The following AMBRA1 variants were observed in gnomAD, a reference collection of about 807,000 sequenced individuals.
AMBRA1 encodes the protein autophagy and beclin 1 regulator 1, also known as activating molecule in BECN1-regulated autophagy protein 1.
In AMBRA1, 47 loss-of-function variants were observed where a neutral mutation model predicts 125.4. The observed-to-expected ratio is 0.37, with a 90% confidence interval of 0.30 to 0.48. The LOEUF is 0.48. Among genes scored for constraint, AMBRA1 ranks in the 20% least tolerant of loss-of-function variants. The pLI is 0.99. For synonymous variants in AMBRA1, 626 were observed against 655.5 expected (o/e 0.95, Z 0.69); for missense variants, 1,331 against 1,693.4 (o/e 0.79, Z 3.76).
chr11:46,543,214 G>T lies in AMBRA1; in HGVS notation c.803C>A (p.Pro268His). The change falls in exon 7 of 18, where the codon CCC becomes CAC. Residue 268 changes from proline (P) to histidine (H), a missense_variant. Physicochemically the swap from Pro to His is moderately conservative, Grantham distance 77. This residue lies in a region of AMBRA1 where 689 missense variants were observed against 776.5 expected (regional missense o/e 0.89). Transcript: ENST00000683756. ...EQSTVQDSAT[P>H]SPPPPPPQPS... is the part of the protein sequence containing the mutation. The stretch of plus-strand genomic sequence containing the variant: ...CTGAGGGGGAGGCGGTGGGGGTGAG[G>T]GGGTAGCAGAATCTTGCACTGTGCT... The T allele has an allele frequency of 1.9e-6, 3 of 1,607,966 alleles. No homozygotes were observed. The highest frequency in any genetic ancestry group is 2.5e-6 in the Non-Finnish European group (3 of 1,177,492).
At chr11:46,553,223 G>A (rs1565289560) in intron 1 of AMBRA1, among the ~76,000 whole-genome samples, 1 of 151,948 alleles carries the variant, frequency 6.6e-6, no homozygotes, top group Non-Finnish European at 1.5e-5. Context: ...GATTACAAGC[G>A]TGAGCCACCA....
chr11:46,483,279 A>AC (rs1411746420), intron 11 of AMBRA1, among the ~76,000 whole-genome samples: 2 of 151,950 alleles, frequency 1.3e-5, no homozygotes, highest in Admixed American at 6.5e-5. Flanking sequence ...CAAAAGAAAT[A>AC]CCCAAGGGAG....
intron 7 of AMBRA1, among the ~76,000 whole-genome samples, chr11:46,515,648 T>C (rs1951444976): frequency 6.6e-6 from 1 of 152,148 alleles, no homozygotes; most frequent in South Asian, 2.1e-4. Context: ...GGGTTTGCAT[T>C]AGGTAACTTC....
intron 11 of AMBRA1, among the ~76,000 whole-genome samples, chr11:46,447,297 G>A (rs1948338722): frequency 6.6e-6 from 1 of 151,794 alleles, no homozygotes. Context: ...CACTTTGTGA[G>A]GCCAAGGCAG....
intron 12 of AMBRA1, among the ~76,000 whole-genome samples, chr11:46,435,427 C>A (rs1486803154): frequency 1.3e-5 from 2 of 152,124 alleles, no homozygotes; most frequent in Non-Finnish European, 2.9e-5. Context: ...CCACTGGTTC[C>A]AAGAAAAAGA....
chr11:46,542,855 G>T lies in AMBRA1; in HGVS notation c.1162C>A (p.Leu388Met). The T allele has an allele frequency of 6.2e-7, 1 of 1,613,606 alleles. No homozygotes were observed. Among genetic ancestry groups the T allele is most frequent in the Non-Finnish European group, 8.5e-7 (1 of 1,179,970 alleles). The change falls in exon 7 of 18, where the codon CTG becomes ATG. Residue 388 changes from leucine to methionine, a missense_variant. Leu to Met is a conservative substitution (Grantham distance 15, BLOSUM62 2). Transcript: ENST00000683756. The surrounding 1 kb of genome is among the most constrained non-coding windows in gnomAD (Gnocchi z 5.9). ...TAGNTLRNLS[L>M]GPTRRSLGGP... Reference sequence around the variant, plus strand: ...CCCAAAGAGCGGCGGGTAGGACCCAGACTGAGGTTGCGGAGCGTGTTGCCG... The same window carrying T: ...CCCAAAGAGCGGCGGGTAGGACCCATACTGAGGTTGCGGAGCGTGTTGCCG...
chr11:46,508,233 C>T lies in AMBRA1; in HGVS notation c.2297G>A (p.Gly766Asp). ...CAAGTCGGTTCCCTCTACTGATGGA[C>T]CCTGGTTGTCTGAGGAAGAGGAGGA... ...STSSSSSDNQGPSVEGTDLEF... is the reference protein window; with the variant it reads ...STSSSSSDNQDPSVEGTDLEF... Residue 766 changes from glycine (G) to aspartate (D), a missense_variant, in exon 9 of 18, where the codon GGT (glycine) becomes GAT (aspartate). Gly to Asp is a moderately conservative substitution (Grantham distance 94, BLOSUM62 -1). This residue lies in a region of AMBRA1 where 689 missense variants were observed against 776.5 expected (regional missense o/e 0.89). Transcript: ENST00000683756. The T allele has an allele frequency of 6.2e-7, 1 of 1,614,176 alleles. No homozygotes were observed. The highest frequency in any genetic ancestry group is 8.5e-7 in the Non-Finnish European group (1 of 1,180,014).
chr11:46,487,659 CT>C (rs1428931442), intron 11 of AMBRA1, among the ~76,000 whole-genome samples: 2 of 151,922 alleles, frequency 1.3e-5, no homozygotes, highest in Admixed American at 6.6e-5. Context: ...GAAACTGATC[CT>C]GATAAAATAC....
Position 46,543,347 on chromosome 11 carries a change from G to C in AMBRA1, c.670C>G (p.Arg224Gly). ...TGTGATTGCAGGAGGGCACGCTGAC[G>C]GTAGTGGGATAATTCTGTTCCATCT... ...PIDGTELSHY[R>G]QRALLQSQPV... is the part of the protein sequence containing the mutation. The change falls in exon 7 of 18, where the codon CGT becomes GGT. Residue 224 changes from arginine (R) to glycine (G), a missense_variant. Physicochemically the swap from Arg to Gly is moderately radical, Grantham distance 125. Transcript: ENST00000683756. 1.2e-6 allele frequency: 2 copies of C among 1,614,010 alleles called. No homozygotes were observed. Among genetic ancestry groups the C allele is most frequent in the South Asian group, 1.1e-5 (1 of 91,080 alleles).
chr11:46,443,609 A>G lies in AMBRA1; in HGVS notation c.2522-11T>C. The G allele has an allele frequency of 6.2e-7, 1 of 1,604,772 alleles. No homozygotes were observed. Among genetic ancestry groups the G allele is most frequent in the East Asian group, 2.2e-5 (1 of 44,832 alleles). On this transcript the variant is annotated splice_polypyrimidine_tract_variant and intron_variant, in intron 11 of 17. Transcript: ENST00000683756. ...CACCGATCACTGCCCCTTATGAGGA[A>G]GAAGTCAAAGACAGCACATTATATT... is the stretch of plus-strand genomic sequence containing the variant.
At chr11:46,418,315 TA>T (rs1946659518) in intron 14 of AMBRA1, among the ~76,000 whole-genome samples, 2 of 1,778 alleles carry the variant, frequency 1.1e-3, no homozygotes, top group African/African-American at 3.5e-3. Context: ...TATATTTTAT[TA>T]TTTATATATA....
At chr11:46,543,633 A>T (rs1400375603) in intron 6 of AMBRA1, among the ~76,000 whole-genome samples, 1 of 152,166 alleles carries the variant, frequency 6.6e-6, no homozygotes, top group Non-Finnish European at 1.5e-5. Context: ...CAGCTGACAA[A>T]CCAATTGTCT....
At chr11:46,516,051 T>C (rs1951465334) in intron 7 of AMBRA1, among the ~76,000 whole-genome samples, 1 of 152,162 alleles carries the variant, frequency 6.6e-6, no homozygotes, top group African/African-American at 2.4e-5. Flanking sequence ...CTTCTTTAAG[T>C]TGGAATAGAC....
At chr11:46,563,008 A>G (rs569069845) in intron 1 of AMBRA1, among the ~76,000 whole-genome samples, 9 of 152,166 alleles carry the variant, frequency 5.9e-5, no homozygotes, top group Non-Finnish European at 1.3e-4. Flanking sequence ...ATGTTAGCCA[A>G]GCTGGTCTCA....
intron 11 of AMBRA1, among the ~76,000 whole-genome samples, chr11:46,469,311 A>G (rs1403291036): frequency 1.3e-5 from 2 of 152,220 alleles, no homozygotes; most frequent in African/African-American, 4.8e-5. Context: ...TGTTTTTATA[A>G]CAGAATTTTT....
At chr11:46,478,979 G>C (rs557391888) in intron 11 of AMBRA1, among the ~76,000 whole-genome samples, 7 of 152,132 alleles carry the variant, frequency 4.6e-5, no homozygotes, top group Non-Finnish European at 1.0e-4. Context: ...TGGTAGGATC[G>C]CTTGAGCCCA....
intron 17 of AMBRA1, 143 bp from the exon 18 acceptor site, chr11:46,398,086 A>G: frequency 1.7e-6 from 2 of 1,149,218 alleles, no homozygotes; most frequent in Non-Finnish European, 2.4e-6. Flanking sequence ...GTGAAAACCA[A>G]TCCGAGTCTT....
At chr11:46,411,273 C>CA (rs1946283184) in intron 15 of AMBRA1, among the ~76,000 whole-genome samples, 1 of 152,184 alleles carries the variant, frequency 6.6e-6, no homozygotes, top group Non-Finnish European at 1.5e-5. Context: ...AAGTTACCTC[C>CA]ATAAAGAGCA....
intron 7 of AMBRA1, among the ~76,000 whole-genome samples, chr11:46,538,602 C>T (rs1172626609): frequency 6.6e-6 from 1 of 152,142 alleles, no homozygotes; most frequent in Admixed American, 6.5e-5. Flanking sequence ...CCAAGTGATT[C>T]TCCTGCCTCA....
Sources: allele counts gnomAD v4.1 joint callset (sites outside exome capture counted in the v4.1 genomes callset), GRCh38; gene constraint gnomAD v4.1.1; regional missense constraint gnomAD v4.1.1; non-coding constraint Gnocchi (gnomAD v3.1); transcripts MANE v1.5; gene names NCBI Gene and HGNC (gene_info 2026-07-23, HGNC 2026-07-21).